LANCL3: variants seen among roughly 807,000 people sequenced by gnomAD.
The protein encoded by LANCL3 is LanC like family member 3, also known as lanC-like protein 3.
A neutral mutation model predicts 26.5 loss-of-function variants in LANCL3; 19 were observed. The observed-to-expected ratio is 0.72, with a 90% CI of 0.50 to 1.05. The LOEUF (loss-of-function observed/expected upper bound fraction) is 1.05. Ranked by LOEUF, LANCL3 falls within the 50% of genes least tolerant of loss-of-function variation. The pLI is 0.00. For missense variants in LANCL3, 318 were observed against 362.7 expected (o/e 0.88, Z 1.00); for synonymous variants, 160 against 166.6 (o/e 0.96, Z 0.30).
chrX:37,599,170 A>C (rs1378384421), intron 1 of LANCL3, among the ~76,000 whole-genome samples: 2 of 112,084 alleles, frequency 1.8e-5, no homozygotes, highest in African/African-American at 6.5e-5. Flanking sequence ...TAGGAACTTT[A>C]TGAACAATTA....
intron 1 of LANCL3, among the ~76,000 whole-genome samples, chrX:37,573,972 C>G (rs2146701755): frequency 9.7e-6 from 1 of 103,611 alleles, no homozygotes; most frequent in South Asian, 4.4e-4. Flanking sequence ...TCCTGCCAAA[C>G]CAGGTCTTTT....
chrX:37,605,683 G>A (rs1924689331), intron 1 of LANCL3, among the ~76,000 whole-genome samples: 1 of 111,279 alleles, frequency 9.0e-6, no homozygotes, highest in Non-Finnish European at 1.9e-5. Flanking sequence ...CTTTGCATGA[G>A]CTGTGCCCTC....
In LANCL3 at chrX:37,679,948, CCTT is replaced by C. The variant is rs1737834313; in HGVS notation, c.*4141_*4143del. On this transcript the variant is annotated 3_prime_UTR_variant, in exon 5 of 5. Coordinates refer to ENST00000378619, the MANE Select transcript of LANCL3 (RefSeq NM_001170331.2). ...GACCACCCCTGATTCACCAACTTCT[CCTT>C]CTTCTCCTCTTTAAATATTATAGTT... is the stretch of plus-strand genomic sequence containing the variant. The C allele has an allele frequency of 9.0e-6, 1 of 111,371 alleles. No individual in the cohort carries two copies. The highest frequency in any genetic ancestry group is 1.9e-5 in the Non-Finnish European group (1 of 53,088). 9.2% of individuals were successfully genotyped at this position (111,371 alleles called of 1,213,427 possible).
chrX:37,666,206 A>T (rs781818661), intron 3 of LANCL3, among the ~76,000 whole-genome samples: 9 of 112,316 alleles, frequency 8.0e-5, no homozygotes, highest in Non-Finnish European at 1.7e-4. Context: ...GAAAGATGTT[A>T]CAACTGTTTC....
At position 37,597,130 on chromosome X, in the gene LANCL3, T is replaced by C. The variant is rs146196052; in HGVS notation, c.573+24687T>C. On this transcript the variant is annotated intron_variant, in intron 1 of 4. Transcript: ENST00000378619. ...CTGGCTTCTTTCACTAAGCAAAATG[T>C]CTTTAAGGTCTATGCATATTGTAGC... Among the ~76,000 whole-genome samples, 1,004 of 112,275 alleles carry C rather than the reference T, an allele frequency of 8.9e-3. 10 individuals are homozygous for C. Among genetic ancestry groups the C allele is most frequent in the African/African-American group, 0.031 (949 of 30,932 alleles).
chrX:37,663,534 G>A (rs937838135), intron 3 of LANCL3, among the ~76,000 whole-genome samples: 1 of 111,849 alleles, frequency 8.9e-6, no homozygotes, highest in African/African-American at 3.2e-5. Flanking sequence ...TAGAAAAGGA[G>A]CTCAGTCACA....
At chrX:37,616,120 A>T (rs1422786467) in intron 1 of LANCL3, among the ~76,000 whole-genome samples, 1 of 111,197 alleles carries the variant, frequency 9.0e-6, no homozygotes, top group Non-Finnish European at 1.9e-5. Flanking sequence ...CCCATCAGAG[A>T]TCAAAACAAG....
chrX:37,629,805 T>A (rs1429649389), intron 1 of LANCL3, among the ~76,000 whole-genome samples: 7 of 111,773 alleles, frequency 6.3e-5, no homozygotes, highest in African/African-American at 2.3e-4. Flanking sequence ...TCCATTGATC[T>A]AGATCTCTGT....
intron 1 of LANCL3, among the ~76,000 whole-genome samples, chrX:37,640,464 G>A (rs781934249): frequency 2.7e-5 from 3 of 111,666 alleles, no homozygotes; most frequent in Non-Finnish European, 5.7e-5. Flanking sequence ...TGAGGATTAC[G>A]ATTTGAGATG....
intron 1 of LANCL3, among the ~76,000 whole-genome samples, chrX:37,597,812 T>A (rs1477739573): frequency 1.9e-5 from 2 of 107,837 alleles, no homozygotes; most frequent in Non-Finnish European, 3.8e-5. Context: ...CTGCCAAGCC[T>A]GGCCACAGCA....
intron 1 of LANCL3, among the ~76,000 whole-genome samples, chrX:37,573,311 G>A (rs2878319): frequency 2.7e-5 from 3 of 112,324 alleles, no homozygotes; most frequent in South Asian, 3.7e-4. Flanking sequence ...CGGAGAGAGA[G>A]GCACTTTCAT....
At chrX:37,578,229 G>A (rs1204365340) in intron 1 of LANCL3, among the ~76,000 whole-genome samples, 3 of 112,044 alleles carry the variant, frequency 2.7e-5, no homozygotes, top group Non-Finnish European at 5.6e-5. Context: ...ATTTCCCTCT[G>A]ACTCATTGCC....
At chrX:37,629,663 A>G (rs1925426437) in intron 1 of LANCL3, among the ~76,000 whole-genome samples, 1 of 109,693 alleles carries the variant, frequency 9.1e-6, no homozygotes, top group African/African-American at 3.4e-5. Flanking sequence ...AGCTTTCTAC[A>G]TATGGCTAGC....
intron 1 of LANCL3, among the ~76,000 whole-genome samples, chrX:37,655,045 C>T (rs1369716098): frequency 2.7e-5 from 3 of 112,558 alleles, no homozygotes; most frequent in South Asian, 3.7e-4. Flanking sequence ...GTCCTAAAAC[C>T]GACTGTGGAC....
intron 1 of LANCL3, among the ~76,000 whole-genome samples, chrX:37,612,509 G>C (rs1250628200): frequency 8.9e-6 from 1 of 112,190 alleles, no homozygotes; most frequent in East Asian, 2.8e-4. Flanking sequence ...CCAGATGGCT[G>C]AGACTGTTCT....
At chrX:37,630,657 T>A (rs1925469158) in intron 1 of LANCL3, among the ~76,000 whole-genome samples, 1 of 110,337 alleles carries the variant, frequency 9.1e-6, no homozygotes, top group Non-Finnish European at 1.9e-5. Context: ...GTTTTTAGCA[T>A]GAAGGGTTGT....
At chrX:37,586,529 C>T (rs1445850771) in intron 1 of LANCL3, among the ~76,000 whole-genome samples, 4 of 111,619 alleles carry the variant, frequency 3.6e-5, no homozygotes, top group Non-Finnish European at 7.5e-5. Flanking sequence ...CTTCTCTTCT[C>T]GCTTTATTGC....
At chrX:37,601,360 C>T in intron 1 of LANCL3, among the ~76,000 whole-genome samples, 1 of 111,615 alleles carries the variant, frequency 9.0e-6, no homozygotes, top group East Asian at 2.8e-4. Context: ...ATTATTGAGT[C>T]TGTGTGCAGT....
At chrX:37,581,311 T>G (rs782498984) in intron 1 of LANCL3, among the ~76,000 whole-genome samples, 37 of 112,453 alleles carry the variant, frequency 3.3e-4, no homozygotes, top group Non-Finnish European at 5.6e-4. Context: ...CACTTCCTGC[T>G]GCATCTCCTT....
Sources: allele counts gnomAD v4.1 joint callset (sites outside exome capture counted in the v4.1 genomes callset), GRCh38; gene constraint gnomAD v4.1.1; transcripts MANE v1.5; gene names NCBI Gene and HGNC (gene_info 2026-07-23, HGNC 2026-07-21).